TNRC18: variants seen among roughly 807,000 people sequenced by gnomAD.
TNRC18 encodes the protein trinucleotide repeat-containing gene 18 protein.
Under a neutral mutation model 226.7 loss-of-function variants are expected in TNRC18, and 69 were observed. That is an observed-to-expected ratio of 0.30 (90% CI 0.25 to 0.37). TNRC18 has a LOEUF of 0.37. Ranked by LOEUF, TNRC18 falls within the 10% of genes least tolerant of loss-of-function variation. TNRC18 has a pLI of 1.00. For missense variants in TNRC18, 4,754 were observed against 4,256.6 expected, an observed-to-expected ratio of 1.12 and a Z score of -3.25; for synonymous variants, 2,449 against 1,927.6, an observed-to-expected ratio of 1.27 and a Z score of -7.09.
chr7:5,360,392 G>T (rs558979375), intron 14 of TNRC18, among the ~76,000 whole-genome samples: 18 of 152,014 alleles, frequency 1.2e-4, no homozygotes, highest in African/African-American at 3.4e-4. Flanking sequence ...ACCACACCTG[G>T]CTAATTTTTG....
At chr7:5,366,707 A>G (rs1280975083) in intron 11 of TNRC18, among the ~76,000 whole-genome samples, 1 of 152,128 alleles carries the variant, frequency 6.6e-6, no homozygotes, top group East Asian at 1.9e-4. Context: ...GATTGAAACC[A>G]TCTCACCCAC....
At chr7:5,351,473 G>GT (rs1290993336) in intron 17 of TNRC18, among the ~76,000 whole-genome samples, 5 of 148,470 alleles carry the variant, frequency 3.4e-5, no homozygotes, top group East Asian at 4.1e-4. Flanking sequence ...GGCAGAAAAC[G>GT]TGAGTGCGGG....
At chr7:5,379,838 C>T (rs142322325) in intron 5 of TNRC18, among the ~76,000 whole-genome samples, 3 of 152,362 alleles carry the variant, frequency 2.0e-5, no homozygotes, top group Non-Finnish European at 2.9e-5. Flanking sequence ...CCCTTGGGGC[C>T]GGCCTTCCCA....
intron 18 of TNRC18, 45 bp downstream of exon 18, chr7:5,345,517 G>GGGGGGGGCCCCCCCCCCCC: frequency 1.3e-5 from 5 of 377,742 alleles, no homozygotes; most frequent in African/African-American, 2.2e-5. Flanking sequence ...AATGGCGTCC[G>GGGGGGGGCCCCCCCCCCCC]CCCCTCCCAC....
intron 10 of TNRC18, 22 bp downstream of exon 10, chr7:5,374,013 CAGGGGCAGAGTGAGACCCTG>C: frequency 6.9e-7 from 1 of 1,447,610 alleles, no homozygotes; most frequent in South Asian, 1.4e-5. Context: ...TTTACCGCTC[CAGGGGCAGAGTGAGACCCTG>C]AGGGTCTCAG....
At position 5,390,473 on chromosome 7, in the gene TNRC18, C is replaced by T. The variant is rs752687284; in HGVS notation, c.487+12G>A. The stretch of plus-strand genomic sequence containing the variant: ...CCCCTGTGCCACCCCCAACCCCGGA[C>T]TCCAGTCTTACCTCCTCCTGGCCCC... On this transcript the variant is annotated intron_variant, in intron 4 of 29. Coordinates refer to ENST00000430969, the MANE Select transcript of TNRC18 (RefSeq NM_001080495.3). The T allele has an allele frequency of 2.4e-5, 38 of 1,613,282 alleles. No homozygotes were observed. The highest frequency in any genetic ancestry group is 3.1e-5 in the Non-Finnish European group (36 of 1,179,812).
rs527715460 is a variant in TNRC18 at position 5,309,568 on chromosome 7, A to C, written c.8389-200T>G. Among the ~76,000 whole-genome samples the C allele has an allele frequency of 6.6e-6, 1 of 152,242 alleles. No homozygotes were observed. Among genetic ancestry groups the C allele is most frequent in the African/African-American group, 2.4e-5 (1 of 41,468 alleles). The stretch of plus-strand genomic sequence containing the variant: ...ATCTCTTTGACATGCTGGGTCTCCA[A>C]GAGGCGCTTCCCTTGATCTAAGCAT... On this transcript the variant is annotated intron_variant, in intron 27 of 29. Coordinates refer to ENST00000430969, the MANE Select transcript of TNRC18 (RefSeq NM_001080495.3). This position sits in a 1 kb window ranked among gnomAD's most constrained non-coding sequence, Gnocchi z 5.7.
intron 5 of TNRC18, 115 bp from the exon 6 acceptor site, chr7:5,378,139 C>G (rs900415340): frequency 1.3e-6 from 1 of 755,254 alleles, no homozygotes; most frequent in Non-Finnish European, 2.2e-6. Flanking sequence ...CGGTCCTGCA[C>G]AGCCATCCGT....
chr7:5,361,254 G>A (rs2128160356), intron 14 of TNRC18, among the ~76,000 whole-genome samples: 1 of 152,342 alleles, frequency 6.6e-6, no homozygotes, highest in African/African-American at 2.4e-5. Context: ...AGCAAGGCTG[G>A]CAGCCCAGCG....
rs1481857827 is a variant in TNRC18 at position 5,308,055 on chromosome 7, TGGGTCCCTGGCCGCCCTC to T, written c.*33_*50del. The T allele has an allele frequency of 2.7e-6, 4 of 1,501,836 alleles. No individual in the cohort carries two copies. The highest frequency in any genetic ancestry group is 2.8e-5 in the African/African-American group (2 of 71,838). The allele number at this position is 1,501,836 out of a possible 1,614,324, so 93.0% of individuals were successfully genotyped here. A position where few individuals can be genotyped will look rare whatever the true frequency, so the allele number is the denominator to read the frequency against. ...CTCCGCGCCATGGCAGTGATGGAGATGGGTCCCTGGCCGCCCTCGGGGCACAGGTGGCCCGCAGGGCCC... is the reference window on the plus strand; with the variant it reads ...CTCCGCGCCATGGCAGTGATGGAGATGGGGCACAGGTGGCCCGCAGGGCCC... On this transcript the variant is annotated 3_prime_UTR_variant, in exon 30 of 30. Coordinates refer to ENST00000430969, the MANE Select transcript of TNRC18 (RefSeq NM_001080495.3).
At chr7:5,351,420 C>T (rs568888880) in intron 17 of TNRC18, among the ~76,000 whole-genome samples, 2 of 145,918 alleles carry the variant, frequency 1.4e-5, no homozygotes, top group Non-Finnish European at 3.0e-5. Context: ...CCACCGAACC[C>T]GTGCCCAAAG....
intron 18 of TNRC18, among the ~76,000 whole-genome samples, chr7:5,344,162 A>T (rs1010213709): frequency 3.3e-5 from 5 of 152,188 alleles, no homozygotes; most frequent in Non-Finnish European, 5.9e-5. Context: ...ATGAATAGCA[A>T]GTGTAAATGT....
chr7:5,321,941 G>A (rs1180449396), intron 21 of TNRC18, among the ~76,000 whole-genome samples: 1 of 151,776 alleles, frequency 6.6e-6, no homozygotes, highest in Non-Finnish European at 1.5e-5. Flanking sequence ...CAAGTACTGG[G>A]ATTACCGGTG....
In TNRC18 at chr7:5,313,327, CGGT is replaced by C; in HGVS notation, c.7561_7563del (p.Thr2521del). The C allele has an allele frequency of 6.4e-7, 1 of 1,552,214 alleles. No individual in the cohort carries two copies. The highest frequency in any genetic ancestry group is 8.7e-7 in the Non-Finnish European group (1 of 1,148,776). ...CCGGGCTCCTGGGCGAGGTCCCCGT[CGGT>C]GGCCTTGGGCCAGGGTGCCTTGGGC... On this transcript the variant is annotated inframe_deletion, in exon 27 of 30. Coordinates refer to ENST00000430969, the MANE Select transcript of TNRC18 (RefSeq NM_001080495.3).
In TNRC18 at chr7:5,332,231, G is replaced by A. The variant is rs73322662; in HGVS notation, c.6147+391C>T. ...GCAGAAGAATCACTAAAGGTCAGGA[G>A]TTCAAGATCAGCCTGGGCAACATAG... On this transcript the variant is annotated intron_variant, in intron 19 of 29. Transcript: ENST00000430969. Among the ~76,000 whole-genome samples, 1,013 of 152,266 alleles carry A rather than the reference G, an allele frequency of 6.7e-3. 12 individuals are homozygous for A. Among genetic ancestry groups the A allele is most frequent in the African/African-American group, 0.023 (944 of 41,548 alleles).
chr7:5,368,459 AC>A, intron 11 of TNRC18, among the ~76,000 whole-genome samples: 1 of 151,240 alleles, frequency 6.6e-6, no homozygotes, highest in East Asian at 1.9e-4. Context: ...GGTCAGGAGT[AC>A]GAGACCAGCC....
chr7:5,354,856 T>C (rs1792181085), intron 16 of TNRC18, among the ~76,000 whole-genome samples: 1 of 152,150 alleles, frequency 6.6e-6, no homozygotes, highest in African/African-American at 2.4e-5. Context: ...GGTGACGATA[T>C]CTTAACTCTG....
At chr7:5,378,060 G>A (rs1329774495) in intron 5 of TNRC18, 36 bp from the exon 6 acceptor site, 2 of 1,576,256 alleles carry the variant, frequency 1.3e-6, no homozygotes, top group Admixed American at 1.7e-5. Context: ...CCCCCAGCCA[G>A]CACCGAGCCC....
Position 5,352,082 on chromosome 7 carries a change from T to C in TNRC18, c.5207A>G (p.Glu1736Gly). The C allele has an allele frequency of 6.2e-7, 1 of 1,607,850 alleles. No individual in the cohort carries two copies. Among genetic ancestry groups the C allele is most frequent in the Non-Finnish European group, 8.5e-7 (1 of 1,176,144 alleles). The change falls in exon 17 of 30, where the codon GAG (glutamate) becomes GGG (glycine). Residue 1736 changes from glutamate (E) to glycine (G), a missense_variant. Coordinates refer to ENST00000430969, the MANE Select transcript of TNRC18 (RefSeq NM_001080495.3). ...VSSYSYNTDS[E>G]EDEEFLKDEW... ...GTCCTTCAGGAATTCTTCGTCTTCC[T>C]CTGAGTCCGTATCTGCAGTCAAAGT...
Sources: gnomAD v4.1 joint callset for allele counts (sites outside exome capture counted in the v4.1 genomes callset) on GRCh38, gnomAD v4.1.1 for gene constraint, Gnocchi (gnomAD v3.1) non-coding constraint, MANE v1.5 for transcripts, NCBI Gene and HGNC (gene_info 2026-07-23, HGNC 2026-07-21) for gene names.